GDA: variants seen among roughly 807,000 people sequenced by gnomAD.
GDA encodes cytoplasmic PSD-95 interactor.
A neutral mutation model predicts 59.6 loss-of-function variants in GDA; 18 were observed. That is an observed-to-expected ratio of 0.30 (90% CI 0.21 to 0.45). The LOEUF is 0.45. Ranked by LOEUF, GDA falls within the 20% of genes least tolerant of loss-of-function variation. The probability of loss-of-function intolerance (pLI) is 1.00; values close to 1 mark genes in which losing one functional copy is unlikely to be tolerated. For missense variants in GDA, 427 were observed against 552.3 expected (o/e 0.77, Z 2.27); for synonymous variants, 201 against 201.1 (o/e 1.00, Z 0.00).
chr9:72,127,899 T>A (rs1255177636), intron 1 of GDA, among the ~76,000 whole-genome samples: 1 of 152,196 alleles, frequency 6.6e-6, no homozygotes, highest in Non-Finnish European at 1.5e-5. Flanking sequence ...TTTTCCACAT[T>A]CAGTTTTTAT....
intron 1 of GDA, among the ~76,000 whole-genome samples, chr9:72,115,907 C>T (rs1825421422): frequency 6.6e-6 from 1 of 152,122 alleles, no homozygotes. Flanking sequence ...TTTTCATATG[C>T]CAAGGTTTTA....
At chr9:72,220,369 G>C (rs563885729) in intron 6 of GDA, among the ~76,000 whole-genome samples, 1 of 152,008 alleles carries the variant, frequency 6.6e-6, no homozygotes, top group Non-Finnish European at 1.5e-5. Flanking sequence ...TTTAGATATC[G>C]TTCACATATG....
At chr9:72,153,731 C>A (rs902465956) in intron 1 of GDA, among the ~76,000 whole-genome samples, 1 of 148,720 alleles carries the variant, frequency 6.7e-6, no homozygotes, top group South Asian at 2.1e-4. Context: ...CCAAACACTG[C>A]ATGTTCTCAC....
intron 2 of GDA, among the ~76,000 whole-genome samples, chr9:72,200,370 C>G (rs969381211): frequency 1.7e-4 from 26 of 151,776 alleles, no homozygotes; most frequent in Non-Finnish European, 2.8e-4. Flanking sequence ...CTTCCCTCCT[C>G]CTCTTCCTCC....
chr9:72,243,210 G>A (rs905282700), intron 11 of GDA, among the ~76,000 whole-genome samples: 3 of 152,168 alleles, frequency 2.0e-5, no homozygotes, highest in Admixed American at 6.5e-5. Context: ...TCTATTTCCT[G>A]AAATGCATTT....
chr9:72,190,145 G>T (rs2131196043), intron 1 of GDA, among the ~76,000 whole-genome samples: 1 of 152,090 alleles, frequency 6.6e-6, no homozygotes, highest in South Asian at 2.1e-4. Context: ...TGTTTTGTTT[G>T]AGACAAAGTC....
chr9:72,169,635 C>T (rs977294806), intron 1 of GDA, among the ~76,000 whole-genome samples: 18 of 152,220 alleles, frequency 1.2e-4, no homozygotes, highest in Admixed American at 7.8e-4. Context: ...TATCCTGGTG[C>T]GACTCTCAAA....
chr9:72,190,948 A>AT (rs139861130), intron 1 of GDA, among the ~76,000 whole-genome samples: 1,641 of 152,224 alleles, frequency 0.011, 35 homozygotes, highest in African/African-American at 0.038. Flanking sequence ...GGCAGCATCA[A>AT]TTTTTTCTTA....
chr9:72,219,384 C>T, intron 5 of GDA, 95 bp from the exon 6 acceptor site: 1 of 884,714 alleles, frequency 1.1e-6, no homozygotes, highest in Non-Finnish European at 1.8e-6. Context: ...GCCTGGGCGA[C>T]AGAGCCAGAC....
At chr9:72,164,685 A>G (rs1276146512) in intron 1 of GDA, among the ~76,000 whole-genome samples, 1 of 152,126 alleles carries the variant, frequency 6.6e-6, no homozygotes, top group African/African-American at 2.4e-5. Flanking sequence ...CATTCTGAGG[A>G]AAAAATGCTC....
At chr9:72,162,833 A>G (rs2130860539) in intron 1 of GDA, among the ~76,000 whole-genome samples, 1 of 152,008 alleles carries the variant, frequency 6.6e-6, no homozygotes, top group South Asian at 2.1e-4. Context: ...AATTTTTTGT[A>G]TTTTTAGTAG....
Position 72,139,337 on chromosome 9 carries a change from T to C in GDA, c.-100+24504T>C, listed in dbSNP as rs4745171. ...CTGGGCCATTAAAATATTTCTCCAT[T>C]GAAATACATATATCAAAATGTCCCA... On this transcript the variant is annotated intron_variant, in intron 1 of 13. Coordinates refer to the GDA transcript ENST00000545168. Among the ~76,000 whole-genome samples the C allele has an allele frequency of 2.7e-3, 406 of 152,304 alleles. 16 individuals carry two copies. The East Asian group carries it at 0.068, about 25-fold the overall frequency.
rs114381233 is a variant in GDA at position 72,151,184 on chromosome 9, C to G, written c.123+1502C>G. Among the ~76,000 whole-genome samples the G allele has an allele frequency of 5.5e-3, 830 of 152,276 alleles. 6 individuals are homozygous for G. The highest frequency in any genetic ancestry group is 0.018 in the African/African-American group (768 of 41,536). ...AGAATAAAAGAGTTTCCCAAACACA[C>G]AATTAGTAGTTGAGTCAGGGAGTCT... On this transcript the variant is annotated intron_variant, in intron 1 of 13. Coordinates refer to ENST00000358399, the MANE Select transcript of GDA (RefSeq NM_004293.5).
In GDA at chr9:72,128,534, C is replaced by G. The variant is rs149130435; in HGVS notation, c.-100+13701C>G. Among the ~76,000 whole-genome samples the G allele has an allele frequency of 5.7e-4, 87 of 152,220 alleles. 1 individual carries two copies. In the East Asian group the frequency reaches 0.013, roughly 24 times the overall value. ...TTGCAATAATAATGGAAGATAGATA[C>G]TATTATTCACTTCCCAATGTTGATA... On this transcript the variant is annotated intron_variant, in intron 1 of 13. Transcript: ENST00000545168.
intron 1 of GDA, among the ~76,000 whole-genome samples, chr9:72,116,508 G>A (rs1036281489): frequency 2.7e-4 from 41 of 149,140 alleles, no homozygotes; most frequent in African/African-American, 8.6e-4. Context: ...TCAGCCTTCC[G>A]AGTAGGTAGG....
At chr9:72,255,286 A>T (rs1422240541), downstream of GDA, among the ~76,000 whole-genome samples, 2 of 152,178 alleles carry the variant, frequency 1.3e-5, no homozygotes. Flanking sequence ...AGGGGTAGTA[A>T]CTTCCAGGTC....
chr9:72,246,711 C>G (rs540968082), intron 12 of GDA, among the ~76,000 whole-genome samples: 1 of 149,580 alleles, frequency 6.7e-6, no homozygotes, highest in Non-Finnish European at 1.5e-5. Flanking sequence ...GTCTTATGAC[C>G]TGCATTGGGG....
intron 1 of GDA, among the ~76,000 whole-genome samples, chr9:72,143,317 C>G (rs1026365812): frequency 6.6e-6 from 1 of 151,548 alleles, no homozygotes; most frequent in African/African-American, 2.4e-5. Context: ...TTAGTAGAGA[C>G]AGGGTTTCTC....
chr9:72,166,790 A>G (rs1476017329), intron 1 of GDA, among the ~76,000 whole-genome samples: 1 of 152,014 alleles, frequency 6.6e-6, no homozygotes, highest in Non-Finnish European at 1.5e-5. Flanking sequence ...TCTCGCCTAT[A>G]TTTACCATAC....
Sources: gnomAD v4.1 joint callset for allele counts (sites outside exome capture counted in the v4.1 genomes callset) on GRCh38, gnomAD v4.1.1 for gene constraint, MANE v1.5 for transcripts, NCBI Gene and HGNC (gene_info 2026-07-23, HGNC 2026-07-21) for gene names.